RTL4: variants seen among roughly 807,000 people sequenced by gnomAD.
The protein encoded by RTL4 is retrotransposon Gag-like protein 4.
Under a neutral mutation model 5.3 loss-of-function variants are expected in RTL4, and 4 were observed. That is an observed-to-expected ratio of 0.75 (90% CI 0.37 to 1.72). The LOEUF is 1.72. Among genes scored for constraint, RTL4 ranks in the 40% most tolerant of loss-of-function variants. RTL4 has a pLI of 0.04. For synonymous variants in RTL4, 98 were observed against 87.3 expected (o/e 1.12, Z -0.68); for missense variants, 260 against 227.1 (o/e 1.14, Z -0.93).
the RTL4 span, among the ~76,000 whole-genome samples, chrX:112,284,951 CA>C: frequency 0.011 from 1,264 of 111,672 alleles, 22 homozygotes; most frequent in African/African-American, 0.039. Flanking sequence ...GACATTTTCT[CA>C]AAACGTCCAG....
chrX:112,138,548 A>C, the RTL4 span, among the ~76,000 whole-genome samples: 7 of 111,287 alleles, frequency 6.3e-5, no homozygotes, highest in Admixed American at 9.6e-5. Flanking sequence ...CAATCTGTAC[A>C]GTTTTTTATA....
At chrX:112,292,316 G>A in the RTL4 span, among the ~76,000 whole-genome samples, 1 of 111,585 alleles carries the variant, frequency 9.0e-6, no homozygotes, top group South Asian at 3.8e-4. Flanking sequence ...GTTGTGCTTT[G>A]CTTTTGTTTT....
the RTL4 span, among the ~76,000 whole-genome samples, chrX:112,217,821 G>A: frequency 1.3e-3 from 147 of 111,625 alleles, no homozygotes; most frequent in African/African-American, 4.5e-3. Flanking sequence ...CTTTATCATG[G>A]TGTCTGAAAT....
chrX:112,382,122 G>A, the RTL4 span: 3 of 1,209,659 alleles, frequency 2.5e-6, no homozygotes, highest in East Asian at 3.0e-5. Flanking sequence ...ATCCGGGCGA[G>A]GCAGAGACTG....
the RTL4 span, among the ~76,000 whole-genome samples, chrX:112,355,924 A>T: frequency 9.0e-6 from 1 of 111,337 alleles, no homozygotes; most frequent in African/African-American, 3.3e-5. Flanking sequence ...ACTCATTTTC[A>T]GACTGTTTAA....
chrX:112,148,327 CAA>C, the RTL4 span, among the ~76,000 whole-genome samples: 64 of 62,100 alleles, frequency 1.0e-3, no homozygotes, highest in Middle Eastern at 9.1e-3. Context: ...TGACTGAGTG[CAA>C]AAAAAAAAAA....
the RTL4 span, among the ~76,000 whole-genome samples, chrX:112,144,229 A>T: frequency 9.0e-6 from 1 of 111,600 alleles, no homozygotes; most frequent in African/African-American, 3.3e-5. Flanking sequence ...GTTTGGAGTC[A>T]AATTGCCTCT....
At chrX:112,099,877 T>C in the RTL4 span, among the ~76,000 whole-genome samples, 2 of 111,622 alleles carry the variant, frequency 1.8e-5, no homozygotes, top group Non-Finnish European at 3.8e-5. Context: ...AAATTTGCGA[T>C]ACATATTTGA....
At chrX:112,190,800 G>C in the RTL4 span, among the ~76,000 whole-genome samples, 1 of 111,842 alleles carries the variant, frequency 8.9e-6, no homozygotes, top group Non-Finnish European at 1.9e-5. Context: ...CTGTCTGATG[G>C]AAGGAACTCT....
chrX:112,247,490 A>G, the RTL4 span, among the ~76,000 whole-genome samples: 1 of 111,841 alleles, frequency 8.9e-6, no homozygotes, highest in Non-Finnish European at 1.9e-5. Context: ...TTTTTAAGCT[A>G]TTATTTATTA....
chrX:112,173,108 G>A, the RTL4 span, among the ~76,000 whole-genome samples: 4 of 109,678 alleles, frequency 3.6e-5, no homozygotes, highest in African/African-American at 1.0e-4. Context: ...CAAGGCACAC[G>A]TTTACCTATG....
the RTL4 span, among the ~76,000 whole-genome samples, chrX:112,440,847 A>C: frequency 1.8e-5 from 2 of 111,919 alleles, no homozygotes; most frequent in African/African-American, 6.5e-5. Context: ...GCTTTGCCTG[A>C]AATTTCACCA....
the RTL4 span, among the ~76,000 whole-genome samples, chrX:112,213,572 T>G: frequency 8.9e-6 from 1 of 112,442 alleles, no homozygotes; most frequent in South Asian, 3.6e-4. Flanking sequence ...TGTTTGTTTG[T>G]TTTTACTATT....
the RTL4 span, among the ~76,000 whole-genome samples, chrX:112,436,124 G>A: frequency 3.6e-5 from 4 of 110,662 alleles, no homozygotes; most frequent in Non-Finnish European, 5.7e-5. Flanking sequence ...GGTGGAGGCA[G>A]TAGGATTGCT....
chrX:112,266,068 G>A, the RTL4 span, among the ~76,000 whole-genome samples: 12 of 110,769 alleles, frequency 1.1e-4, no homozygotes, highest in African/African-American at 3.9e-4. Context: ...AGGACTTGGA[G>A]CAACTCAGTG....
chrX:112,165,722 AC>A, the RTL4 span, among the ~76,000 whole-genome samples: 3 of 111,540 alleles, frequency 2.7e-5, no homozygotes, highest in South Asian at 1.1e-3. Context: ...GCCAAAAGAG[AC>A]CTTTTAGGAA....
chrX:112,271,049 G>GA, the RTL4 span, among the ~76,000 whole-genome samples: 575 of 60,809 alleles, frequency 9.5e-3, 8 homozygotes, highest in African/African-American at 0.027. Flanking sequence ...CCTGGAGACA[G>GA]AAAAAAAAAA....
the RTL4 span, among the ~76,000 whole-genome samples, chrX:112,207,927 T>A: frequency 9.0e-6 from 1 of 110,880 alleles, no homozygotes; most frequent in South Asian, 3.9e-4. Flanking sequence ...TAAATATATA[T>A]TTAACAGTAG....
At chrX:112,132,686 G>A in the RTL4 span, among the ~76,000 whole-genome samples, 1 of 112,205 alleles carries the variant, frequency 8.9e-6, no homozygotes, top group South Asian at 3.7e-4. Flanking sequence ...GGCTCTGCCA[G>A]GACTTTCTTG....
Sources: gnomAD v4.1 joint callset for allele counts (sites outside exome capture counted in the v4.1 genomes callset) on GRCh38, gnomAD v4.1.1 for gene constraint, MANE v1.5 for transcripts, NCBI Gene and HGNC (gene_info 2026-07-23, HGNC 2026-07-21) for gene names.